Variants in DTNA observed in about 807,000 individuals in gnomAD.
DTNA encodes the protein dystrophin-related protein 3.
A neutral mutation model predicts 100.7 loss-of-function variants in DTNA; 43 were observed. The ratio of observed to expected loss-of-function variants is 0.43; its 90% CI spans 0.33 to 0.55. The LOEUF (loss-of-function observed/expected upper bound fraction) is 0.55. DTNA is among the 20% of genes least tolerant of loss of function. The probability of loss-of-function intolerance (pLI) is 0.04; values close to 1 mark genes in which losing one functional copy is unlikely to be tolerated. For missense variants in DTNA, 798 were observed against 953.9 expected (o/e 0.84, Z 2.15); for synonymous variants, 349 against 347.9 (o/e 1.00, Z -0.04).
intron 16 of DTNA, among the ~76,000 whole-genome samples, chr18:34,859,543 A>G (rs1275736166): frequency 3.9e-5 from 6 of 152,218 alleles, no homozygotes. Context: ...GTGACATCCT[A>G]TGCAAACATT....
chr18:34,641,814 G>A (rs2148367716), intron 1 of DTNA, among the ~76,000 whole-genome samples: 1 of 152,284 alleles, frequency 6.6e-6, no homozygotes, highest in East Asian at 1.9e-4. Flanking sequence ...GGTGGAGAGA[G>A]ATAGAGAGCA....
intron 1 of DTNA, among the ~76,000 whole-genome samples, chr18:34,655,599 A>T (rs1430796491): frequency 6.6e-6 from 1 of 152,170 alleles, no homozygotes; most frequent in South Asian, 2.1e-4. Flanking sequence ...TTATCACAGA[A>T]ATTATATGGA....
chr18:34,825,420 C>T (rs182295506), intron 9 of DTNA: 3 of 1,022,438 alleles, frequency 2.9e-6, no homozygotes, highest in East Asian at 4.8e-5. Flanking sequence ...ACAAGGATGC[C>T]ACTTATATAA....
At chr18:34,776,911 G>A (rs1362171548) in intron 3 of DTNA, among the ~76,000 whole-genome samples, 3 of 152,120 alleles carry the variant, frequency 2.0e-5, no homozygotes, top group Non-Finnish European at 2.9e-5. Context: ...GCATGTGCCC[G>A]CATAGGGCCT....
chr18:34,678,348 G>A (rs552924945), intron 1 of DTNA, among the ~76,000 whole-genome samples: 1 of 152,208 alleles, frequency 6.6e-6, no homozygotes, highest in Non-Finnish European at 1.5e-5. Context: ...TAATTATTGT[G>A]TTCATTTTAG....
intron 2 of DTNA, among the ~76,000 whole-genome samples, chr18:34,759,595 G>A (rs1203597304): frequency 1.3e-5 from 2 of 152,228 alleles, no homozygotes; most frequent in African/African-American, 4.8e-5. Context: ...AGAAATGAGA[G>A]TGATGCCACC....
intron 5 of DTNA, among the ~76,000 whole-genome samples, chr18:34,806,649 T>C (rs1401392302): frequency 6.6e-6 from 1 of 152,198 alleles, no homozygotes; most frequent in African/African-American, 2.4e-5. Flanking sequence ...GTGGGAAACC[T>C]TCCCCTTTAA....
At chr18:34,838,662 C>T (rs1254481436) in intron 12 of DTNA, 83 bp from the exon 13 acceptor site, 3 of 1,231,816 alleles carry the variant, frequency 2.4e-6, no homozygotes, top group Non-Finnish European at 3.6e-6. Context: ...GCCTTTTCTA[C>T]CAAAAACTCA....
At chr18:34,544,691 A>G (rs1167432350) in intron 1 of DTNA, among the ~76,000 whole-genome samples, 2 of 152,154 alleles carry the variant, frequency 1.3e-5, no homozygotes, top group South Asian at 2.1e-4. Context: ...TCTAGTGCCT[A>G]AAGTTTTAGG....
At chr18:34,787,746 C>T (rs2148919828) in intron 3 of DTNA, among the ~76,000 whole-genome samples, 1 of 152,206 alleles carries the variant, frequency 6.6e-6, no homozygotes, top group African/African-American at 2.4e-5. Flanking sequence ...CTGCAACTCT[C>T]CCCCCAACAC....
rs141069594 is a variant in DTNA, at chr18:34,624,725, G to A, written c.-2+131211G>A. 9.8e-4 allele frequency among the ~76,000 whole-genome samples: 149 copies of A among 152,240 alleles called. No individual in the cohort carries two copies. The Middle Eastern group carries it at 0.01, about 10-fold the overall frequency. ...TGAGAGATAAAAAGATGAATTAGAC[G>A]GGACCGTGACTCATCCAGAGCTCAC... On this transcript the variant is annotated intron_variant, in intron 1 of 19. Transcript: ENST00000283365.
intron 19 of DTNA, 94 bp downstream of exon 19, chr18:34,877,902 T>G: frequency 9.4e-7 from 1 of 1,064,830 alleles, no homozygotes; most frequent in African/African-American, 1.6e-5. Flanking sequence ...TTGTCTAATA[T>G]CAAAAGATTC....
At chr18:34,882,450 C>A (rs1047251573) in intron 21 of DTNA, among the ~76,000 whole-genome samples, 2 of 152,084 alleles carry the variant, frequency 1.3e-5, no homozygotes, top group Non-Finnish European at 2.9e-5. Context: ...CTCACTGCAA[C>A]CTCCGTCTCC....
intron 13 of DTNA, among the ~76,000 whole-genome samples, chr18:34,841,641 T>C (rs1422068289): frequency 1.3e-5 from 2 of 152,216 alleles, no homozygotes; most frequent in African/African-American, 4.8e-5. Flanking sequence ...GATATGATTA[T>C]TTCCATTTCA....
chr18:34,625,464 C>T (rs1424101421), intron 1 of DTNA, among the ~76,000 whole-genome samples: 2 of 152,200 alleles, frequency 1.3e-5, no homozygotes, highest in African/African-American at 2.4e-5. Flanking sequence ...TGAGCCACTG[C>T]GCCCGGCCAG....
rs80135697 is a variant in DTNA, at chr18:34,872,037, G to T, written c.1744-3202G>T. On this transcript the variant is annotated intron_variant, in intron 17 of 22. Coordinates refer to ENST00000444659, the MANE Select transcript of DTNA (RefSeq NM_001386795.1). ...GGCTATTCATCATTCACACATTGGT[G>T]TAATTTAGATTCAGTCAACTGTTTT... 2.6e-5 allele frequency among the ~76,000 whole-genome samples: 4 copies of T among 152,342 alleles called. No individual in the cohort carries two copies. In the East Asian group the frequency reaches 7.7e-4, roughly 29 times the overall value.
intron 1 of DTNA, among the ~76,000 whole-genome samples, chr18:34,712,718 A>G (rs1400331860): frequency 6.6e-6 from 1 of 152,138 alleles, no homozygotes; most frequent in African/African-American, 2.4e-5. Context: ...TGTTTAAATT[A>G]TGCTTTCTTG....
At chr18:34,501,156 TA>T (rs1167244576) in intron 1 of DTNA, among the ~76,000 whole-genome samples, 3 of 152,072 alleles carry the variant, frequency 2.0e-5, no homozygotes, top group Admixed American at 6.5e-5. Context: ...TCCTGAGTTT[TA>T]AAAAAAATCA....
At chr18:34,813,629 C>T (rs535997594) in intron 6 of DTNA, among the ~76,000 whole-genome samples, 14 of 151,994 alleles carry the variant, frequency 9.2e-5, no homozygotes, top group African/African-American at 1.9e-4. Context: ...CCAAGGCGGG[C>T]GGATCACAAG....
Sources: allele counts gnomAD v4.1 joint callset (sites outside exome capture counted in the v4.1 genomes callset), GRCh38; gene constraint gnomAD v4.1.1; transcripts MANE v1.5; gene names NCBI Gene and HGNC (gene_info 2026-07-23, HGNC 2026-07-21).